ANKRD33B: variants seen among roughly 807,000 people sequenced by gnomAD.
ANKRD33B encodes ankyrin repeat domain 33B, also known as ankyrin repeat domain-containing protein 33B.
Under a neutral mutation model 21.5 loss-of-function variants are expected in ANKRD33B, and 6 were observed. The ratio of observed to expected loss-of-function variants is 0.28; its 90% CI spans 0.15 to 0.55. The LOEUF (loss-of-function observed/expected upper bound fraction) is 0.55. ANKRD33B is among the 20% of genes least tolerant of loss of function. The probability of loss-of-function intolerance (pLI) is 0.94; values close to 1 mark genes in which losing one functional copy is unlikely to be tolerated. For missense variants in ANKRD33B, 698 were observed against 747.2 expected (o/e 0.93, Z 0.77); for synonymous variants, 347 against 342.4 (o/e 1.01, Z -0.15).
Position 10,649,812 on chromosome 5 carries a change from G to T in ANKRD33B, c.1184G>T (p.Gly395Val). ...AGLPPALGSRGPAAPAPRKAS... is the reference protein window; with the variant it reads ...AGLPPALGSRVPAAPAPRKAS... ...CTCCCTCCCGCCCTGGGGTCCCGGG[G>T]CCCCGCAGCGCCCGCCCCGCGGAAG... The change falls in exon 4 of 4, where the codon GGC becomes GTC. Residue 395 changes from glycine to valine, a missense_variant. Physicochemically the swap from Gly to Val is moderately radical, Grantham distance 109. Coordinates refer to ENST00000296657, the MANE Select transcript of ANKRD33B (RefSeq NM_001164440.2). 1 of 1,381,384 alleles carries T rather than the reference G, an allele frequency of 7.2e-7. No homozygotes were observed. The highest frequency in any genetic ancestry group is 9.3e-7 in the Non-Finnish European group (1 of 1,072,964). 85.6% of individuals were successfully genotyped at this position (1,381,384 alleles called of 1,614,324 possible).
At chr5:10,603,856 G>A (rs190813790) in intron 1 of ANKRD33B, among the ~76,000 whole-genome samples, 26 of 143,334 alleles carry the variant, frequency 1.8e-4, no homozygotes, top group African/African-American at 5.9e-4. Flanking sequence ...ATAGAAAAAT[G>A]TTTTTTTTTA....
chr5:10,647,287 T>C (rs1264036239), intron 3 of ANKRD33B, among the ~76,000 whole-genome samples: 1 of 152,082 alleles, frequency 6.6e-6, no homozygotes, highest in Non-Finnish European at 1.5e-5. Flanking sequence ...TGTGTGTTTT[T>C]AGTAGAGGTG....
At chr5:10,573,966 C>G (rs1735260188) in intron 1 of ANKRD33B, among the ~76,000 whole-genome samples, 1 of 152,190 alleles carries the variant, frequency 6.6e-6, no homozygotes. Context: ...ACAGGTAACA[C>G]CATCATACCC....
chr5:10,648,799 G>A (rs1459337290), intron 3 of ANKRD33B, among the ~76,000 whole-genome samples: 2 of 151,906 alleles, frequency 1.3e-5, no homozygotes, highest in African/African-American at 2.4e-5. Flanking sequence ...GAATTCAGGC[G>A]GGGTTTTATT....
chr5:10,641,628 C>T (rs1012552647), intron 3 of ANKRD33B, among the ~76,000 whole-genome samples: 2 of 151,952 alleles, frequency 1.3e-5, no homozygotes, highest in African/African-American at 2.4e-5. Context: ...AGTCTGAGCC[C>T]GTCTGTTGTT....
chr5:10,648,652 G>T (rs892724679), intron 3 of ANKRD33B, among the ~76,000 whole-genome samples: 1 of 152,226 alleles, frequency 6.6e-6, no homozygotes, highest in Admixed American at 6.5e-5. Flanking sequence ...CCAGCTACTC[G>T]GGAGGCTGAG....
In ANKRD33B at chr5:10,657,433, T is replaced by C. The variant is rs185042459; in HGVS notation, c.*7320T>C. 2 of 152,490 alleles carry C rather than the reference T, an allele frequency of 1.3e-5. No homozygotes were observed. Among genetic ancestry groups the C allele is most frequent in the Admixed American group, 1.3e-4 (2 of 15,304 alleles). 9.4% of individuals were successfully genotyped at this position (152,490 alleles called of 1,614,324 possible). On this transcript the variant is annotated 3_prime_UTR_variant, in exon 4 of 4. Coordinates refer to ENST00000296657, the MANE Select transcript of ANKRD33B (RefSeq NM_001164440.2). Reference sequence around the variant, plus strand: ...TCTTTTTTTCTGAATGTAAACCTATTTGCATTGTCATTTCTAATAATCCAG... The same window carrying C: ...TCTTTTTTTCTGAATGTAAACCTATCTGCATTGTCATTTCTAATAATCCAG...
chr5:10,568,961 G>C (rs13184275), intron 1 of ANKRD33B, among the ~76,000 whole-genome samples: 23,102 of 152,184 alleles, frequency 0.15, 1,967 homozygotes, highest in Non-Finnish European at 0.19. Context: ...TTACTCTTGA[G>C]GTGCTTAAAA....
At chr5:10,644,612 G>A (rs1027740284) in intron 3 of ANKRD33B, among the ~76,000 whole-genome samples, 1 of 152,202 alleles carries the variant, frequency 6.6e-6, no homozygotes, top group African/African-American at 2.4e-5. Flanking sequence ...TCCCGCTGTG[G>A]GTCAGAGGGT....
At chr5:10,566,500 C>A (rs906890414) in intron 1 of ANKRD33B, among the ~76,000 whole-genome samples, 1 of 152,358 alleles carries the variant, frequency 6.6e-6, no homozygotes, top group East Asian at 1.9e-4. Flanking sequence ...GCCTCTCCCC[C>A]TGTCCTGGGC....
rs11958722 is a variant in ANKRD33B at position 10,574,704 on chromosome 5, C to A, written c.366+9871C>A. 8.2e-3 allele frequency among the ~76,000 whole-genome samples: 1,250 copies of A among 152,238 alleles called. 25 individuals carry two copies. Among genetic ancestry groups the A allele is most frequent in the African/African-American group, 0.028 (1,154 of 41,522 alleles). On this transcript the variant is annotated intron_variant, in intron 1 of 3. Transcript: ENST00000296657. ...TGTCATCAAAAAGAGAAATAGCACACATTTGAAAATACAGGATAACAGGTT... is the reference window on the plus strand; with the variant it reads ...TGTCATCAAAAAGAGAAATAGCACAAATTTGAAAATACAGGATAACAGGTT...
chr5:10,575,602 A>G (rs1054940499), intron 1 of ANKRD33B, among the ~76,000 whole-genome samples: 1 of 152,162 alleles, frequency 6.6e-6, no homozygotes, highest in Admixed American at 6.5e-5. Context: ...TTCCCAGAGC[A>G]TGGCTAACAC....
At chr5:10,595,244 T>C (rs1182689072) in intron 1 of ANKRD33B, among the ~76,000 whole-genome samples, 1 of 151,910 alleles carries the variant, frequency 6.6e-6, no homozygotes. Context: ...TGGTGCTAGA[T>C]TGGCAGTGGA....
chr5:10,579,345 A>T (rs993759349), intron 1 of ANKRD33B, among the ~76,000 whole-genome samples: 1 of 143,698 alleles, frequency 7.0e-6, no homozygotes, highest in African/African-American at 2.5e-5. Context: ...GAAGCCTGCT[A>T]AGTAATGGTT....
At chr5:10,609,612 A>G (rs1485353444) in intron 1 of ANKRD33B, among the ~76,000 whole-genome samples, 1 of 152,066 alleles carries the variant, frequency 6.6e-6, no homozygotes, top group Non-Finnish European at 1.5e-5. Flanking sequence ...CAAGTATTAT[A>G]AAGAATTCAA....
intron 1 of ANKRD33B, among the ~76,000 whole-genome samples, chr5:10,609,151 T>G (rs1736112931): frequency 6.6e-6 from 1 of 152,228 alleles, no homozygotes; most frequent in African/African-American, 2.4e-5. Flanking sequence ...TCATTAAAAT[T>G]TTTCTATTGA....
intron 1 of ANKRD33B, among the ~76,000 whole-genome samples, chr5:10,570,024 G>C (rs1316818017): frequency 4.6e-5 from 7 of 152,142 alleles, no homozygotes; most frequent in Non-Finnish European, 8.8e-5. Context: ...TTACAGGCAT[G>C]TGCCACCATG....
At chr5:10,642,657 C>T (rs556332863) in intron 3 of ANKRD33B, among the ~76,000 whole-genome samples, 2 of 152,256 alleles carry the variant, frequency 1.3e-5, no homozygotes, top group Admixed American at 6.5e-5. Context: ...GAACAGCCCT[C>T]GGGTGCATGC....
intron 1 of ANKRD33B, among the ~76,000 whole-genome samples, chr5:10,581,163 C>T (rs1318181144): frequency 6.6e-6 from 1 of 152,222 alleles, no homozygotes; most frequent in East Asian, 1.9e-4. Flanking sequence ...CCCTTAAGTC[C>T]TGATTTCTTC....
Sources: gnomAD v4.1 joint callset for allele counts (sites outside exome capture counted in the v4.1 genomes callset) on GRCh38, gnomAD v4.1.1 for gene constraint, MANE v1.5 for transcripts, NCBI Gene and HGNC (gene_info 2026-07-23, HGNC 2026-07-21) for gene names.